The following MCTP2 variants were observed in gnomAD, a reference collection of about 807,000 sequenced individuals.
MCTP2 encodes the protein multiple C2 and transmembrane domain containing 2.
Under a neutral mutation model 111.6 loss-of-function variants are expected in MCTP2, and 132 were observed. That is an observed-to-expected ratio of 1.18 (90% CI 1.03 to 1.37). The LOEUF (loss-of-function observed/expected upper bound fraction) is 1.37, where lower values mean the gene tolerates loss of function less well. MCTP2 is among the 40% of genes most tolerant of loss of function. The pLI is 0.00. For synonymous variants in MCTP2, 395 were observed against 387.7 expected, an observed-to-expected ratio of 1.02 and a Z score of -0.22; for missense variants, 1,183 against 1,067.9, an observed-to-expected ratio of 1.11 and a Z score of -1.50.
intron 22 of MCTP2, among the ~76,000 whole-genome samples, chr15:94,477,567 C>T (rs768906627): frequency 5.9e-5 from 9 of 152,110 alleles, no homozygotes; most frequent in Non-Finnish European, 1.2e-4. Flanking sequence ...GAGACCATGG[C>T]GTGAAATATC....
At chr15:94,245,610 A>T (rs138059579) in intron 1 of MCTP2, among the ~76,000 whole-genome samples, 1 of 145,316 alleles carries the variant, frequency 6.9e-6, no homozygotes, top group Non-Finnish European at 1.5e-5. Context: ...AGACATATAC[A>T]TATGTACATG....
intron 1 of MCTP2, among the ~76,000 whole-genome samples, chr15:94,240,697 A>C (rs1003773539): frequency 5.9e-5 from 9 of 152,300 alleles, no homozygotes; most frequent in Non-Finnish European, 1.2e-4. Flanking sequence ...GACTGTGTAT[A>C]TATGAAGCTG....
At chr15:94,256,973 TCTC>T (rs1337234467) in intron 1 of MCTP2, among the ~76,000 whole-genome samples, 1 of 152,072 alleles carries the variant, frequency 6.6e-6, no homozygotes, top group African/African-American at 2.4e-5. Context: ...CTTCACCTCC[TCTC>T]CTCCCTGACT....
At chr15:94,254,931 C>T (rs985462220) in intron 1 of MCTP2, among the ~76,000 whole-genome samples, 118 of 152,226 alleles carry the variant, frequency 7.8e-4, no homozygotes, top group African/African-American at 2.8e-3. Context: ...TTGAAGTTTT[C>T]AGATGTGTTT....
At position 94,298,501 on chromosome 15, in the gene MCTP2, C is replaced by A. The variant is rs1239948666; in HGVS notation, c.236C>A (p.Pro79His). Residue 79 changes from proline (P) to histidine (H), a missense_variant, in exon 2 of 23, where the codon CCC (proline) becomes CAC (histidine). Physicochemically the swap from Pro to His is moderately conservative, Grantham distance 77. Coordinates refer to ENST00000357742, the MANE Select transcript of MCTP2 (RefSeq NM_001385001.1). ...CCACAGTCTTCCTACACCTCGGTGC[C>A]CAGCAGTCTGTCCACTGCAGGGATC... ...SGPQSSYTSV[P>H]SSLSTAGIFP... 3 of 1,613,948 alleles carry A rather than the reference C, an allele frequency of 1.9e-6. No individual in the cohort carries two copies. In the East Asian group the frequency reaches 6.7e-5, roughly 36 times the overall value.
intron 20 of MCTP2, among the ~76,000 whole-genome samples, chr15:94,458,962 C>G (rs2085014692): frequency 6.6e-6 from 1 of 152,174 alleles, no homozygotes; most frequent in Non-Finnish European, 1.5e-5. Context: ...CTTGCCACCC[C>G]CATCTTAGGA....
At chr15:94,336,819 G>A (rs1305327058) in intron 4 of MCTP2, among the ~76,000 whole-genome samples, 1 of 151,984 alleles carries the variant, frequency 6.6e-6, no homozygotes, top group Non-Finnish European at 1.5e-5. Flanking sequence ...CTCAGGCCAT[G>A]AATGCTTAAC....
At chr15:94,310,728 A>G (rs1031661868) in intron 2 of MCTP2, among the ~76,000 whole-genome samples, 6 of 150,778 alleles carry the variant, frequency 4.0e-5, no homozygotes, top group Non-Finnish European at 7.4e-5. Context: ...AATATATAAT[A>G]CTACAACATA....
In MCTP2 at chr15:94,309,131, T is replaced by A. The variant is rs531749585; in HGVS notation, c.466-5151T>A. On this transcript the variant is annotated intron_variant, in intron 2 of 22. Transcript: ENST00000357742. ...TTAGTAGGCTTGATTGTCTTCTGAA[T>A]ACACCTTCCAGTTTTGACCTCTCAT... Among the ~76,000 whole-genome samples the A allele has an allele frequency of 5.9e-5, 9 of 152,360 alleles. No individual in the cohort carries two copies. In the South Asian group the frequency reaches 1.9e-3, roughly 32 times the overall value.
chr15:94,379,000 A>C (rs2079939358), intron 12 of MCTP2, among the ~76,000 whole-genome samples: 1 of 152,034 alleles, frequency 6.6e-6, no homozygotes, highest in Non-Finnish European at 1.5e-5. Flanking sequence ...GTCTCCCTGG[A>C]GGTTGCAGAG....
chr15:94,453,773 C>G (rs956982793), intron 19 of MCTP2, among the ~76,000 whole-genome samples: 20 of 152,256 alleles, frequency 1.3e-4, no homozygotes, highest in African/African-American at 4.8e-4. Context: ...CTTGTCTACC[C>G]TGGGGCCTTG....
At position 94,470,427 on chromosome 15, in the gene MCTP2, A is replaced by G; in HGVS notation, c.2455A>G (p.Ile819Val). 6.2e-7 allele frequency: 1 copy of G among 1,608,672 alleles called. No individual in the cohort carries two copies. Among genetic ancestry groups the G allele is most frequent in the Non-Finnish European group, 8.5e-7 (1 of 1,175,026 alleles). ...TTTGTATTTCATTCCACTGCGGTAC[A>G]TCATTTTAATCTGGGGTAAGTTTGG... The part of the protein sequence containing the change: ...IILYFIPLRY[I>V]ILIWGINKFT... The change falls in exon 21 of 23, where the codon ATC becomes GTC. Residue 819 changes from isoleucine to valine, a missense_variant. Physicochemically the swap from Ile to Val is conservative, Grantham distance 29. Transcript: ENST00000357742.
chr15:94,468,685 A>C (rs2073633866), intron 20 of MCTP2, among the ~76,000 whole-genome samples: 1 of 152,178 alleles, frequency 6.6e-6, no homozygotes. Flanking sequence ...CCCAGGCTGG[A>C]GTGCAGTGAT....
Position 94,483,452 on chromosome 15 carries a change from C to T in MCTP2, c.*4418C>T, listed in dbSNP as rs562136505. On this transcript the variant is annotated 3_prime_UTR_variant, in exon 23 of 23. Transcript: ENST00000357742. ...ACAATAGCAAAGACACTGGATCAGT[C>T]TAAATGCCCATCATTGATAGAATGG... 170 of 152,270 alleles carry T rather than the reference C, an allele frequency of 1.1e-3. No individual in the cohort carries two copies. Among genetic ancestry groups the T allele is most frequent in the African/African-American group, 4.0e-3 (166 of 41,536 alleles). The allele number at this position is 152,270 out of a possible 1,614,324, so 9.4% of individuals were successfully genotyped here. A position where few individuals can be genotyped will look rare whatever the true frequency, so the allele number is the denominator to read the frequency against.
chr15:94,395,641 C>T (rs2081244220), intron 14 of MCTP2, among the ~76,000 whole-genome samples: 1 of 152,058 alleles, frequency 6.6e-6, no homozygotes, highest in Non-Finnish European at 1.5e-5. Context: ...ATTTATTTGA[C>T]TCAAAAATTA....
chr15:94,458,153 G>A lies in MCTP2; in HGVS notation c.2267G>A (p.Gly756Glu), dbSNP rs528495525. 1 of 1,605,000 alleles carries A rather than the reference G, an allele frequency of 6.2e-7. No homozygotes were observed. Among genetic ancestry groups the A allele is most frequent in the South Asian group, 1.1e-5 (1 of 90,704 alleles). The change falls in exon 20 of 23, where the codon GGG becomes GAG. Residue 756 changes from glycine to glutamate, a missense_variant. Transcript: ENST00000357742. ...GTTTTCTAGGAATCTGAGAAAAAGGGGTTGATTGAAAGAATCTATATGGTA... is the reference window on the plus strand; with the variant it reads ...GTTTTCTAGGAATCTGAGAAAAAGGAGTTGATTGAAAGAATCTATATGGTA... ...DEDDKESEKK[G>E]LIERIYMVQD...
intron 4 of MCTP2, among the ~76,000 whole-genome samples, 181 bp from the exon 5 acceptor site, chr15:94,339,109 G>GA (rs1014979697): frequency 1.3e-5 from 2 of 152,198 alleles, no homozygotes; most frequent in South Asian, 2.1e-4. Flanking sequence ...CCACTAAAGG[G>GA]AAAAAATCGT....
At chr15:94,273,158 A>G (rs1484996969) in intron 1 of MCTP2, among the ~76,000 whole-genome samples, 4 of 152,188 alleles carry the variant, frequency 2.6e-5, no homozygotes, top group Non-Finnish European at 1.5e-5. Context: ...TGCTTTCTCA[A>G]TACCTGTTGT....
chr15:94,244,157 T>TGC (rs1474150698), intron 1 of MCTP2, among the ~76,000 whole-genome samples: 6 of 147,300 alleles, frequency 4.1e-5, no homozygotes, highest in African/African-American at 1.5e-4. Flanking sequence ...TATATGTTTA[T>TGC]ATACACGTGT....
Sources: gnomAD v4.1 joint callset for allele counts (sites outside exome capture counted in the v4.1 genomes callset) on GRCh38, gnomAD v4.1.1 for gene constraint, MANE v1.5 for transcripts, NCBI Gene and HGNC (gene_info 2026-07-23, HGNC 2026-07-21) for gene names.